The following GNA14 variants were observed in gnomAD, a reference collection of about 807,000 sequenced individuals.
GNA14 encodes guanine nucleotide-binding protein subunit alpha-14.
In GNA14, 50 loss-of-function variants were observed where a neutral mutation model predicts 42.0. That is an observed-to-expected ratio of 1.19 (90% confidence interval 0.95 to 1.51). GNA14 has a LOEUF of 1.51. Among genes scored for constraint, GNA14 ranks in the 40% most tolerant of loss-of-function variants. The pLI is 0.00. For synonymous variants in GNA14, 173 were observed against 163.1 expected (o/e 1.06, Z -0.46); for missense variants, 473 against 446.2 (o/e 1.06, Z -0.54).
chr9:77,498,384 A>AAAAG (rs1175806388), intron 2 of GNA14, among the ~76,000 whole-genome samples: 1 of 94,146 alleles, frequency 1.1e-5, no homozygotes, highest in African/African-American at 4.0e-5. Context: ...AAAAAAAAAA[A>AAAAG]AAAAGAAAAA....
intron 1 of GNA14, among the ~76,000 whole-genome samples, chr9:77,552,162 A>T (rs1791809898): frequency 6.6e-6 from 1 of 151,710 alleles, no homozygotes; most frequent in African/African-American, 2.4e-5. Context: ...AGAAAGAAAG[A>T]AATTCAACAC....
intron 1 of GNA14, among the ~76,000 whole-genome samples, chr9:77,562,130 T>A (rs1429587663): frequency 6.6e-6 from 1 of 152,224 alleles, no homozygotes; most frequent in Non-Finnish European, 1.5e-5. Context: ...AATGCCTTTG[T>A]ACTCGAGGCC....
At chr9:77,529,370 G>A (rs1383825532) in intron 1 of GNA14, 117 bp from the exon 2 acceptor site, 2 of 817,440 alleles carry the variant, frequency 2.4e-6, no homozygotes, top group African/African-American at 3.4e-5. Flanking sequence ...TGATGGGTTG[G>A]ATTTGGAAGG....
intron 1 of GNA14, among the ~76,000 whole-genome samples, chr9:77,647,375 G>A (rs936491922): frequency 6.2e-4 from 94 of 152,322 alleles, no homozygotes; most frequent in African/African-American, 2.2e-3. Flanking sequence ...GGGTTTTGAG[G>A]AGAGGGGCAC....
At chr9:77,538,664 CTAGG>C (rs1837625149) in intron 1 of GNA14, among the ~76,000 whole-genome samples, 1 of 151,850 alleles carries the variant, frequency 6.6e-6, no homozygotes, top group Non-Finnish European at 1.5e-5. Flanking sequence ...AAATTTATTC[CTAGG>C]TATTTTATTT....
At chr9:77,563,425 TG>T (rs1318083591) in intron 1 of GNA14, among the ~76,000 whole-genome samples, 1 of 152,200 alleles carries the variant, frequency 6.6e-6, no homozygotes, top group Non-Finnish European at 1.5e-5. Flanking sequence ...AGATAATGGC[TG>T]TAAGTCTTGC....
chr9:77,624,406 A>G (rs1023825447), intron 1 of GNA14, among the ~76,000 whole-genome samples: 2 of 152,160 alleles, frequency 1.3e-5, no homozygotes, highest in African/African-American at 4.8e-5. Flanking sequence ...TCCCAGCACA[A>G]TGCTCCAGCT....
chr9:77,540,579 C>T (rs144293148), intron 1 of GNA14, among the ~76,000 whole-genome samples: 72 of 152,028 alleles, frequency 4.7e-4, no homozygotes, highest in African/African-American at 1.6e-3. Flanking sequence ...TGTTGAAGTC[C>T]CCTACTATTA....
At chr9:77,495,799 T>C (rs1313317822) in intron 2 of GNA14, among the ~76,000 whole-genome samples, 4 of 152,178 alleles carry the variant, frequency 2.6e-5, no homozygotes, top group Non-Finnish European at 4.4e-5. Flanking sequence ...ACTAAGGGCT[T>C]CCATTGTTTT....
At chr9:77,508,413 G>T (rs1837104550) in intron 2 of GNA14, among the ~76,000 whole-genome samples, 1 of 152,206 alleles carries the variant, frequency 6.6e-6, no homozygotes, top group Non-Finnish European at 1.5e-5. Context: ...GGACTGTGAT[G>T]AGGTGGGGTG....
chr9:77,647,880 C>CG lies in GNA14; in HGVS notation c.-88dup. On this transcript the variant is annotated 5_prime_UTR_variant, in exon 1 of 7. Coordinates refer to ENST00000341700, the MANE Select transcript of GNA14 (RefSeq NM_004297.4). ...GGCCGCTCACCCGGCCAGCATGCGA[C>CG]GGGCACAGGGGTGTGGAAAGAAAAG... 6 of 1,481,018 alleles carry CG rather than the reference C, an allele frequency of 4.1e-6. No homozygotes were observed. Among genetic ancestry groups the CG allele is most frequent in the Non-Finnish European group, 5.5e-6 (6 of 1,096,592 alleles). 91.7% of individuals were successfully genotyped at this position (1,481,018 alleles called of 1,614,324 possible).
chr9:77,524,754 A>C (rs571431955), intron 2 of GNA14, among the ~76,000 whole-genome samples: 203 of 152,342 alleles, frequency 1.3e-3, no homozygotes, highest in African/African-American at 4.6e-3. Flanking sequence ...AGCCACAGGA[A>C]AATGATAGAG....
chr9:77,624,051 A>C (rs1384848101), intron 1 of GNA14, among the ~76,000 whole-genome samples: 5 of 152,144 alleles, frequency 3.3e-5, no homozygotes, highest in Admixed American at 1.3e-4. Flanking sequence ...CAGCAGTCTG[A>C]GGTCGACCTG....
intron 2 of GNA14, among the ~76,000 whole-genome samples, chr9:77,492,559 C>A (rs961552106): frequency 1.3e-5 from 2 of 151,814 alleles, no homozygotes; most frequent in African/African-American, 4.8e-5. Context: ...ATTGGAAAAC[C>A]TAGAAAAAAA....
chr9:77,580,025 G>A (rs1408829007), intron 1 of GNA14, among the ~76,000 whole-genome samples: 2 of 152,090 alleles, frequency 1.3e-5, no homozygotes, highest in Admixed American at 6.6e-5. Context: ...AAATATTCCC[G>A]GCCCACTTGT....
At chr9:77,550,228 T>C (rs979926789) in intron 1 of GNA14, among the ~76,000 whole-genome samples, 1 of 152,200 alleles carries the variant, frequency 6.6e-6, no homozygotes, top group African/African-American at 2.4e-5. Flanking sequence ...GGCAATATTT[T>C]CTCATTTCCA....
At chr9:77,471,312 AGT>A (rs144450675) in intron 2 of GNA14, among the ~76,000 whole-genome samples, 2 of 152,312 alleles carry the variant, frequency 1.3e-5, no homozygotes, top group South Asian at 2.1e-4. Context: ...AGATCAGGAC[AGT>A]GCTTGAAGGT....
chr9:77,577,332 T>C (rs1823143830), intron 1 of GNA14, among the ~76,000 whole-genome samples: 1 of 152,220 alleles, frequency 6.6e-6, no homozygotes, highest in African/African-American at 2.4e-5. Flanking sequence ...ATCAATCCTA[T>C]GTTCCCCTAA....
chr9:77,582,255 G>T (rs1160706265), intron 1 of GNA14, among the ~76,000 whole-genome samples: 5 of 152,190 alleles, frequency 3.3e-5, no homozygotes, highest in African/African-American at 9.6e-5. Flanking sequence ...TTAGGTTTGT[G>T]CTGCTACTCA....
Sources: gnomAD v4.1 joint callset for allele counts (sites outside exome capture counted in the v4.1 genomes callset) on GRCh38, gnomAD v4.1.1 for gene constraint, MANE v1.5 for transcripts, NCBI Gene and HGNC (gene_info 2026-07-23, HGNC 2026-07-21) for gene names.